The following CBLB variants were observed in gnomAD, a reference collection of about 807,000 sequenced individuals.
CBLB encodes the protein E3 ubiquitin-protein ligase CBL-B.
CBLB carries 31 observed loss-of-function variants against 104.9 expected under a neutral mutation model. That is an observed-to-expected ratio of 0.30 (90% CI 0.22 to 0.40). The LOEUF (loss-of-function observed/expected upper bound fraction) is 0.40, where lower values mean the gene tolerates loss of function less well. Among genes scored for constraint, CBLB ranks in the 10% least tolerant of loss-of-function variants. The probability of loss-of-function intolerance (pLI) is 1.00; values close to 1 mark genes in which losing one functional copy is unlikely to be tolerated. For synonymous variants in CBLB, 440 were observed against 422.6 expected (o/e 1.04, Z -0.51); for missense variants, 1,062 against 1,214.6 (o/e 0.87, Z 1.87).
intron 4 of CBLB, among the ~76,000 whole-genome samples, chr3:105,769,201 C>G (rs1188575131): frequency 6.6e-6 from 1 of 152,006 alleles, no homozygotes; most frequent in East Asian, 1.9e-4. Flanking sequence ...GCCTGTAATC[C>G]CAGCTACTTG....
chr3:105,840,125 G>A (rs2089318292), intron 3 of CBLB, among the ~76,000 whole-genome samples: 1 of 152,100 alleles, frequency 6.6e-6, no homozygotes, highest in South Asian at 2.1e-4. Context: ...AACGCGAAGG[G>A]TTTTCAGCAT....
At chr3:105,810,713 C>T (rs892168950) in intron 3 of CBLB, among the ~76,000 whole-genome samples, 11 of 152,120 alleles carry the variant, frequency 7.2e-5, no homozygotes, top group Non-Finnish European at 1.5e-4. Context: ...GGAAATATTA[C>T]ATATAATTAT....
intron 13 of CBLB, among the ~76,000 whole-genome samples, chr3:105,688,345 C>A (rs1331269639): frequency 1.3e-5 from 2 of 152,064 alleles, no homozygotes; most frequent in Middle Eastern, 3.4e-3. Context: ...GTCACCACCC[C>A]CCCCACAACC....
chr3:105,709,567 CA>C (rs995567580), intron 10 of CBLB, among the ~76,000 whole-genome samples: 2 of 150,504 alleles, frequency 1.3e-5, no homozygotes, highest in African/African-American at 2.4e-5. Flanking sequence ...TAGCATTATA[CA>C]AAAAAAAATT....
intron 3 of CBLB, among the ~76,000 whole-genome samples, chr3:105,821,984 T>C (rs2153059168): frequency 6.6e-6 from 1 of 152,272 alleles, no homozygotes; most frequent in East Asian, 1.9e-4. Context: ...TTTTTTTTGC[T>C]TGTTCCATAC....
intron 3 of CBLB, among the ~76,000 whole-genome samples, chr3:105,821,058 AT>A (rs1327856341): frequency 6.6e-6 from 1 of 152,186 alleles, no homozygotes; most frequent in East Asian, 1.9e-4. Context: ...CAACACTTAC[AT>A]TTTTTATACA....
intron 18 of CBLB, among the ~76,000 whole-genome samples, chr3:105,662,606 A>G (rs1043110401): frequency 2.0e-5 from 3 of 152,222 alleles, no homozygotes; most frequent in African/African-American, 7.2e-5. Context: ...TAAGGTCATT[A>G]ATATTTTAAA....
intron 2 of CBLB, among the ~76,000 whole-genome samples, chr3:105,866,751 A>G (rs186090306): frequency 6.6e-6 from 1 of 152,320 alleles, no homozygotes; most frequent in East Asian, 1.9e-4. Flanking sequence ...CAACATGCAG[A>G]AACCACAGAG....
At chr3:105,783,456 T>C (rs1247866149) in intron 3 of CBLB, among the ~76,000 whole-genome samples, 5 of 152,188 alleles carry the variant, frequency 3.3e-5, no homozygotes, top group East Asian at 3.8e-4. Context: ...ATTAAGATCA[T>C]CAATTATCAT....
chr3:105,771,541 A>C (rs1031754223), intron 4 of CBLB, among the ~76,000 whole-genome samples: 3 of 152,106 alleles, frequency 2.0e-5, no homozygotes, highest in African/African-American at 7.2e-5. Context: ...AGAGCAATCC[A>C]ATAAAAAAAA....
chr3:105,826,110 G>GCATGACAC (rs2086541575), intron 3 of CBLB, among the ~76,000 whole-genome samples: 1 of 14,162 alleles, frequency 7.1e-5, no homozygotes, highest in South Asian at 2.3e-3. Flanking sequence ...CAGCATGACA[G>GCATGACAC]CATGACATGG....
chr3:105,658,754 A>AT lies in CBLB; in HGVS notation c.*215dup, dbSNP rs1365243840. ...AATTATTTTTGTCAGTTCAACCCTG[A>AT]TTTAAAAATATGGCTAGCAAAAACA... On this transcript the variant is annotated 3_prime_UTR_variant, in exon 19 of 19. Coordinates refer to ENST00000394030, the MANE Select transcript of CBLB (RefSeq NM_170662.5). 1.7e-6 allele frequency: 1 copy of AT among 582,464 alleles called. No individual in the cohort carries two copies. Among genetic ancestry groups the AT allele is most frequent in the East Asian group, 2.8e-5 (1 of 36,098 alleles). The allele number at this position is 582,464 out of a possible 1,614,324, so 36.1% of individuals were successfully genotyped here. A position where few individuals can be genotyped will look rare whatever the true frequency, so the allele number is the denominator to read the frequency against.
chr3:105,793,522 T>C (rs1256912163), intron 3 of CBLB, among the ~76,000 whole-genome samples: 1 of 147,556 alleles, frequency 6.8e-6, no homozygotes, highest in Non-Finnish European at 1.5e-5. Context: ...GGGATTGACA[T>C]AGGACTCTTA....
intron 17 of CBLB, chr3:105,672,101 T>C (rs1403080362): frequency 5.2e-6 from 1 of 193,762 alleles, no homozygotes; most frequent in Non-Finnish European, 1.1e-5. Context: ...GGAAAGACTG[T>C]CTTTTACAAT....
At chr3:105,767,032 C>T (rs963575234) in intron 4 of CBLB, among the ~76,000 whole-genome samples, 1 of 152,058 alleles carries the variant, frequency 6.6e-6, no homozygotes, top group Non-Finnish European at 1.5e-5. Context: ...CAAAATAGGC[C>T]TCCAATAGAT....
At chr3:105,699,615 C>T (rs1023872788) in intron 12 of CBLB, among the ~76,000 whole-genome samples, 2 of 152,114 alleles carry the variant, frequency 1.3e-5, no homozygotes, top group Non-Finnish European at 2.9e-5. Context: ...TGAAGCCAAC[C>T]TCTTAAGTCT....
At chr3:105,769,893 T>C (rs2078658414) in intron 4 of CBLB, among the ~76,000 whole-genome samples, 1 of 152,156 alleles carries the variant, frequency 6.6e-6, no homozygotes, top group Non-Finnish European at 1.5e-5. Flanking sequence ...TAGGTTGTTA[T>C]TGGAGATAGG....
chr3:105,725,013 A>G (rs772002872), intron 9 of CBLB, among the ~76,000 whole-genome samples: 3 of 152,170 alleles, frequency 2.0e-5, no homozygotes, highest in Non-Finnish European at 4.4e-5. Context: ...TCAATCTCAG[A>G]TTCATAGTCA....
intron 3 of CBLB, among the ~76,000 whole-genome samples, chr3:105,800,005 GC>G (rs2082659108): frequency 6.6e-6 from 1 of 152,052 alleles, no homozygotes; most frequent in South Asian, 2.1e-4. Flanking sequence ...AAATACCAAA[GC>G]CCACATTTTC....
Sources: gnomAD v4.1 joint callset for allele counts (sites outside exome capture counted in the v4.1 genomes callset) on GRCh38, gnomAD v4.1.1 for gene constraint, MANE v1.5 for transcripts, NCBI Gene and HGNC (gene_info 2026-07-23, HGNC 2026-07-21) for gene names.